Variants in PDE1C observed in about 807,000 individuals in gnomAD.
PDE1C encodes the protein dual specificity calcium/calmodulin-dependent 3',5'-cyclic nucleotide phosphodiesterase 1C.
Under a neutral mutation model 93.1 loss-of-function variants are expected in PDE1C, and 62 were observed. The ratio of observed to expected loss-of-function variants is 0.67; its 90% CI spans 0.54 to 0.82. PDE1C has a LOEUF of 0.82. Among genes scored for constraint, PDE1C ranks in the 40% least tolerant of loss-of-function variants. PDE1C has a pLI of 0.00. For missense variants in PDE1C, 742 were observed against 884.6 expected (o/e 0.84, Z 2.04); for synonymous variants, 325 against 310.1 (o/e 1.05, Z -0.50).
the PDE1C span, among the ~76,000 whole-genome samples, chr7:31,742,928 G>A: frequency 3.9e-5 from 6 of 151,988 alleles, no homozygotes; most frequent in East Asian, 1.9e-4. Context: ...GCCTACATTC[G>A]CCCTCACTGG....
At chr7:32,214,601 T>C (rs1423190922) in intron 1 of PDE1C, among the ~76,000 whole-genome samples, 1 of 152,180 alleles carries the variant, frequency 6.6e-6, no homozygotes, top group East Asian at 1.9e-4. Flanking sequence ...ATGGCTTTGA[T>C]TCCTTCAAAA....
intron 1 of PDE1C, among the ~76,000 whole-genome samples, chr7:32,265,817 G>A (rs1810531513): frequency 6.6e-6 from 1 of 152,154 alleles, no homozygotes; most frequent in Non-Finnish European, 1.5e-5. Flanking sequence ...ACAGAAGGAA[G>A]ACATCACTTC....
chr7:32,154,077 A>G (rs540073970), intron 3 of PDE1C, among the ~76,000 whole-genome samples: 3 of 152,118 alleles, frequency 2.0e-5, no homozygotes, highest in Non-Finnish European at 2.9e-5. Flanking sequence ...AACATGATGA[A>G]ACCCTGCCTG....
At chr7:32,306,599 CAA>C (rs1311487775) in intron 1 of PDE1C, among the ~76,000 whole-genome samples, 1 of 152,204 alleles carries the variant, frequency 6.6e-6, no homozygotes, top group African/African-American at 2.4e-5. Context: ...ATCCAGGAGC[CAA>C]AGAGATCTTT....
chr7:32,188,100 A>G (rs976476473), intron 2 of PDE1C, among the ~76,000 whole-genome samples: 1 of 152,028 alleles, frequency 6.6e-6, no homozygotes, highest in Non-Finnish European at 1.5e-5. Flanking sequence ...GTCTTATGCT[A>G]TTTGCATGCT....
chr7:32,313,064 AC>A (rs1399404808), intron 1 of PDE1C, among the ~76,000 whole-genome samples: 1 of 151,998 alleles, frequency 6.6e-6, no homozygotes, highest in East Asian at 1.9e-4. Flanking sequence ...CAAGAAAAAA[AC>A]AAACAACCCC....
At chr7:32,262,481 G>C (rs1348807356) in intron 1 of PDE1C, among the ~76,000 whole-genome samples, 3 of 152,190 alleles carry the variant, frequency 2.0e-5, no homozygotes, top group Admixed American at 1.3e-4. Flanking sequence ...CGTGTAGCAG[G>C]GTGGTGGCAG....
At chr7:32,037,718 G>T (rs1791293280) in intron 2 of PDE1C, among the ~76,000 whole-genome samples, 1 of 152,008 alleles carries the variant, frequency 6.6e-6, no homozygotes, top group Non-Finnish European at 1.5e-5. Flanking sequence ...ACCTGTCTGG[G>T]TCCTATATCT....
chr7:31,898,166 C>A (rs976382368), intron 2 of PDE1C, among the ~76,000 whole-genome samples: 1 of 151,852 alleles, frequency 6.6e-6, no homozygotes, highest in Non-Finnish European at 1.5e-5. Flanking sequence ...ATTAGAAATT[C>A]CTTTCATAGT....
intron 2 of PDE1C, among the ~76,000 whole-genome samples, chr7:31,991,731 T>C (rs1474147161): frequency 6.6e-6 from 1 of 152,222 alleles, no homozygotes; most frequent in Non-Finnish European, 1.5e-5. Context: ...TGTCTGTGTA[T>C]ATGCGTATGT....
At chr7:31,823,418 T>C (rs1248703451) in intron 13 of PDE1C, among the ~76,000 whole-genome samples, 170 bp from the exon 14 acceptor site, 1 of 152,100 alleles carries the variant, frequency 6.6e-6, no homozygotes, top group Non-Finnish European at 1.5e-5. Flanking sequence ...GGTGGGAAAT[T>C]CTGAATTTTC....
At position 32,287,109 on chromosome 7, in the gene PDE1C, G is replaced by T. The variant is rs946449227; in HGVS notation, c.85+11542C>A. 1.6e-4 allele frequency among the ~76,000 whole-genome samples: 25 copies of T among 152,166 alleles called. 1 individual carries two copies. ...TAACACATAATAGCAAGAACATTCA[G>T]CAAATACTCAACAACTGATTCTCCA... is the stretch of plus-strand genomic sequence containing the variant. On this transcript the variant is annotated intron_variant, in intron 1 of 18. Coordinates refer to the PDE1C transcript ENST00000396193.
chr7:31,831,671 T>C (rs1347066044), intron 11 of PDE1C, among the ~76,000 whole-genome samples: 1 of 150,526 alleles, frequency 6.6e-6, no homozygotes, highest in African/African-American at 2.5e-5. Context: ...TAAATAACAA[T>C]AATAAAATAA....
At chr7:32,034,343 T>A (rs1336342530) in intron 2 of PDE1C, among the ~76,000 whole-genome samples, 1 of 151,922 alleles carries the variant, frequency 6.6e-6, no homozygotes, top group East Asian at 1.9e-4. Context: ...CCATTATGGC[T>A]CAATCAGAAG....
At chr7:31,732,272 T>C in the PDE1C span, among the ~76,000 whole-genome samples, 1 of 152,244 alleles carries the variant, frequency 6.6e-6, no homozygotes, top group Non-Finnish European at 1.5e-5. Flanking sequence ...TCAGTCATTA[T>C]TGGACACCAC....
At chr7:31,727,958 C>A in the PDE1C span, among the ~76,000 whole-genome samples, 4,381 of 152,252 alleles carry the variant, frequency 0.029, 93 homozygotes, top group Non-Finnish European at 0.043. Context: ...GCAGGAGAAT[C>A]GCTTGAACCT....
At chr7:32,378,630 T>C (rs1051486089) in intron 1 of PDE1C, among the ~76,000 whole-genome samples, 1 of 151,976 alleles carries the variant, frequency 6.6e-6, no homozygotes, top group Non-Finnish European at 1.5e-5. Context: ...TTGAGATGTC[T>C]TTTCAGTGTT....
the PDE1C span, among the ~76,000 whole-genome samples, chr7:31,649,162 C>G: frequency 6.6e-6 from 1 of 152,158 alleles, no homozygotes; most frequent in South Asian, 2.1e-4. Context: ...GAATCAAAAC[C>G]AAACTCCAAA....
chr7:32,114,804 G>C (rs1475665921), intron 3 of PDE1C, among the ~76,000 whole-genome samples: 2 of 137,430 alleles, frequency 1.5e-5, no homozygotes, highest in Admixed American at 1.5e-4. Context: ...AGTGGGCAAA[G>C]AATATGAACA....
Sources: gnomAD v4.1 joint callset for allele counts (sites outside exome capture counted in the v4.1 genomes callset) on GRCh38, gnomAD v4.1.1 for gene constraint, MANE v1.5 for transcripts, NCBI Gene and HGNC (gene_info 2026-07-23, HGNC 2026-07-21) for gene names.